The following EP400 variants were observed in gnomAD, a reference collection of about 807,000 sequenced individuals.
EP400 encodes the protein E1A binding protein p400, also known as E1A-binding protein p400.
EP400 carries 105 observed loss-of-function variants against 354.1 expected under a neutral mutation model. The observed-to-expected ratio is 0.30, with a 90% confidence interval of 0.25 to 0.35. The LOEUF is 0.35. Among genes scored for constraint, EP400 ranks in the 10% least tolerant of loss-of-function variants. The pLI, the probability that EP400 is intolerant of heterozygous loss-of-function variation, is 1.00. For synonymous variants in EP400, 1,646 were observed against 1,716.9 expected (o/e 0.96, Z 1.02); for missense variants, 3,280 against 4,121.0 (o/e 0.80, Z 5.59).
At position 132,050,079 on chromosome 12, in the gene EP400, G is replaced by A. The variant is rs939375779; in HGVS notation, c.7201-244G>A. On this transcript the variant is annotated intron_variant, in intron 39 of 52. Coordinates refer to ENST00000389561, the MANE Select transcript of EP400 (RefSeq NM_015409.5). This position sits in a 1 kb window ranked among gnomAD's most constrained non-coding sequence, Gnocchi z 4.8. ...CTCTTGGGGTGATTATGGGGCTTACGTGAGAGAACACCTGGAAAGGATTAG... is the reference window on the plus strand; with the variant it reads ...CTCTTGGGGTGATTATGGGGCTTACATGAGAGAACACCTGGAAAGGATTAG... Among the ~76,000 whole-genome samples the A allele has an allele frequency of 2.6e-5, 4 of 152,186 alleles. No individual in the cohort carries two copies. Among genetic ancestry groups the A allele is most frequent in the Non-Finnish European group, 2.9e-5 (2 of 68,036 alleles).
At position 132,005,129 on chromosome 12, in the gene EP400, G is replaced by A. The variant is rs147092035; in HGVS notation, c.2880G>A (p.Pro960=). 34 of 1,590,404 alleles carry A rather than the reference G, an allele frequency of 2.1e-5. No homozygotes were observed. The African/African-American group carries it at 3.9e-4, about 18-fold the overall frequency. The part of the protein sequence containing the change: ...LMKLYEGAFL[P]SSQWPRPKPD... The stretch of plus-strand genomic sequence containing the variant: ...AGCTGTACGAAGGCGCCTTCCTGCC[G>A]AGTTCTCAGTGGCCCCGGCCGAAGC... Residue 960 remains proline (P), a synonymous_variant, in exon 13 of 53, where the codon CCG becomes CCA. Coordinates refer to ENST00000389561, the MANE Select transcript of EP400 (RefSeq NM_015409.5).
At chr12:132,042,640 C>T (rs1894952945) in intron 32 of EP400, among the ~76,000 whole-genome samples, 2 of 152,178 alleles carry the variant, frequency 1.3e-5, no homozygotes, top group African/African-American at 4.8e-5. Context: ...CAGATTGTAC[C>T]AGTTTTTAAT....
At chr12:131,968,488 T>C (rs1481282652) in intron 2 of EP400, among the ~76,000 whole-genome samples, 1 of 152,264 alleles carries the variant, frequency 6.6e-6, no homozygotes, top group Admixed American at 6.5e-5. Context: ...TATGTAAGTT[T>C]TGAAGTCAAG....
intron 1 of EP400, among the ~76,000 whole-genome samples, chr12:131,953,131 G>A (rs1378985714): frequency 1.3e-5 from 2 of 152,192 alleles, no homozygotes; most frequent in African/African-American, 4.8e-5. Flanking sequence ...GTGGCCTCCC[G>A]AAGATCCCAG....
In EP400 at chr12:131,990,794, C is replaced by A; in HGVS notation, c.2629+80C>A. 1 of 1,040,072 alleles carries A rather than the reference C, an allele frequency of 9.6e-7. No homozygotes were observed. Among genetic ancestry groups the A allele is most frequent in the Non-Finnish European group, 1.5e-6 (1 of 687,764 alleles). The allele number at this position is 1,040,072 out of a possible 1,614,324, so 64.4% of individuals were successfully genotyped here. On this transcript the variant is annotated intron_variant, in intron 9 of 52. Coordinates refer to ENST00000389561, the MANE Select transcript of EP400 (RefSeq NM_015409.5). This position sits in a 1 kb window ranked among gnomAD's most constrained non-coding sequence, Gnocchi z 4.2. ...CTTTTCTCAGCAGGCAGTCTCCTGG[C>A]GCTGTGGCTTCCCACAGAGGACATC...
chr12:132,029,606 G>A lies in EP400; in HGVS notation c.5382-95G>A. 7.3e-7 allele frequency: 1 copy of A among 1,367,368 alleles called. No individual in the cohort carries two copies. Among genetic ancestry groups the A allele is most frequent in the Non-Finnish European group, 1.0e-6 (1 of 981,334 alleles). 84.7% of individuals were successfully genotyped at this position (1,367,368 alleles called of 1,614,324 possible). A position where few individuals can be genotyped will look rare whatever the true frequency, so the allele number is the denominator to read the frequency against. On this transcript the variant is annotated intron_variant, in intron 27 of 52. Coordinates refer to ENST00000389561, the MANE Select transcript of EP400 (RefSeq NM_015409.5). This position sits in a 1 kb window ranked among gnomAD's most constrained non-coding sequence, Gnocchi z 4.7. ...GAGCCCTGCTGTTTCCTGGGACTTG[G>A]ACTGTCAGAAGTCTGCCCCATCTTT...
Position 132,067,178 on chromosome 12 carries a change from CTTAAT to C in EP400, c.8750-179_8750-175del, listed in dbSNP as rs1276714113. On this transcript the variant is annotated intron_variant, in intron 49 of 52. Transcript: ENST00000389561. This position sits in a 1 kb window ranked among gnomAD's most constrained non-coding sequence, Gnocchi z 5.3. ...ACTGTTAACATTCTGAAATTTCCGTCTTAATTTAAGTGTAATTTGTGAACCCAGAA... is the reference window on the plus strand; with the variant it reads ...ACTGTTAACATTCTGAAATTTCCGTCTTAAGTGTAATTTGTGAACCCAGAA... 2.8e-4 allele frequency: 327 copies of C among 1,182,434 alleles called. No homozygotes were observed. Among genetic ancestry groups the C allele is most frequent in the Non-Finnish European group, 6.6e-5 (56 of 850,804 alleles). The allele number at this position is 1,182,434 out of a possible 1,614,324, so 73.2% of individuals were successfully genotyped here.
Position 131,961,657 on chromosome 12 carries a change from G to T in EP400, c.1038G>T (p.Lys346Asn). The change falls in exon 2 of 53, where the codon AAG becomes AAT. Residue 346 changes from lysine to asparagine, a missense_variant. By Grantham distance (94) the Lys-to-Asn change is moderately conservative. Transcript: ENST00000389561. The stretch of plus-strand genomic sequence containing the variant: ...CTGTGGGGAACACGGGAATGAAGAA[G>T]GTTCCCAAGAAGTTAGAGGAGATTC... ...LTSVGNTGMK[K>N]VPKKLEEIPP... 1.2e-6 allele frequency: 2 copies of T among 1,608,714 alleles called. No homozygotes were observed. The highest frequency in any genetic ancestry group is 1.7e-6 in the Non-Finnish European group (2 of 1,177,096).
chr12:132,010,287 A>G (rs905822846), intron 15 of EP400, among the ~76,000 whole-genome samples: 5 of 152,078 alleles, frequency 3.3e-5, no homozygotes, highest in Admixed American at 2.6e-4. Flanking sequence ...GGGTTTCACC[A>G]TATTGGTCAG....
chr12:132,077,351 C>T (rs757637416), intron 52 of EP400, 50 bp from the exon 53 acceptor site: 1 of 1,578,594 alleles, frequency 6.3e-7, no homozygotes, highest in Non-Finnish European at 8.6e-7. Context: ...TTTCCTGTCC[C>T]TGGACTGAGT....
In EP400 at chr12:132,053,541, C is replaced by T; in HGVS notation, c.7672C>T (p.Gln2558Ter). Residue 2558 changes from glutamine (Q) to a stop codon, truncating the protein, a stop_gained, in exon 43 of 53, where the codon CAG becomes TAG. Transcript: ENST00000389561. LOFTEE classifies it high-confidence loss of function. ...GCCCCAGACCCAGCCACAGCCTGTG[C>T]AGGCCCCAGCGAAGGCGCAGCCCGC... ...PQPQTQPQPV[Q>*]APAKAQPAIT... is the part of the protein sequence containing the mutation. 1 of 1,554,766 alleles carries T rather than the reference C, an allele frequency of 6.4e-7. No homozygotes were observed.
chr12:132,022,155 G>C (rs1259018635), intron 23 of EP400, among the ~76,000 whole-genome samples: 1 of 152,202 alleles, frequency 6.6e-6, no homozygotes, highest in Non-Finnish European at 1.5e-5. Context: ...TCCTAGTTAA[G>C]TGCCCTAAGG....
rs766780048 is a variant in EP400, at chr12:132,044,777, T to G, written c.6631-23T>G. 6 of 1,614,130 alleles carry G rather than the reference T, an allele frequency of 3.7e-6. No individual in the cohort carries two copies. In the South Asian group the frequency reaches 6.6e-5, roughly 18 times the overall value. ...AGCTTCCTGTGAGTTCCACATCTCA[T>G]GGGCCTTCCCTTCTCCATGCAGCTC... is the stretch of plus-strand genomic sequence containing the variant. On this transcript the variant is annotated intron_variant, in intron 36 of 52. Coordinates refer to ENST00000389561, the MANE Select transcript of EP400 (RefSeq NM_015409.5).
chr12:132,048,043 C>G (rs1325716806), intron 39 of EP400, among the ~76,000 whole-genome samples: 1 of 152,246 alleles, frequency 6.6e-6, no homozygotes, highest in East Asian at 1.9e-4. Flanking sequence ...TTAAGGTTAT[C>G]TCTCTTGTTC....
intron 39 of EP400, among the ~76,000 whole-genome samples, chr12:132,048,588 T>C (rs1381235556): frequency 6.6e-6 from 1 of 151,012 alleles, no homozygotes; most frequent in African/African-American, 2.4e-5. Flanking sequence ...AGTGGCACGA[T>C]CTCGGCTCAC....
At chr12:131,991,792 G>C (rs1893044349) in intron 10 of EP400, among the ~76,000 whole-genome samples, 1 of 151,138 alleles carries the variant, frequency 6.6e-6, no homozygotes, top group African/African-American at 2.4e-5. Context: ...TCACCGTGTT[G>C]CCCAGGCTGG....
At chr12:131,979,545 A>T (rs1214590224) in intron 2 of EP400, 149 bp from the exon 3 acceptor site, 1 of 560,584 alleles carries the variant, frequency 1.8e-6, no homozygotes, top group Non-Finnish European at 3.1e-6. Flanking sequence ...AATATACATT[A>T]CACATGTATA....
intron 30 of EP400, among the ~76,000 whole-genome samples, chr12:132,036,348 A>C (rs1332066993): frequency 4.4e-5 from 6 of 135,362 alleles, no homozygotes; most frequent in African/African-American, 1.1e-4. Flanking sequence ...AAGGGCACAC[A>C]CAGGTTCACA....
chr12:131,991,311 CGTGG>C lies in EP400; in HGVS notation c.2630-91_2630-88del, dbSNP rs1390196340. On this transcript the variant is annotated intron_variant, in intron 9 of 52. Transcript: ENST00000389561. The stretch of plus-strand genomic sequence containing the variant: ...CTCACGCGTCCTTCCTTTCCCTGCA[CGTGG>C]GTGGAGGCAGCAGGACCCTGCCTGG... The C allele has an allele frequency of 2.5e-6, 3 of 1,204,396 alleles. No homozygotes were observed. The African/African-American group carries it at 4.5e-5, about 18-fold the overall frequency. 74.6% of individuals were successfully genotyped at this position (1,204,396 alleles called of 1,614,324 possible).
Sources: gnomAD v4.1 joint callset for allele counts (sites outside exome capture counted in the v4.1 genomes callset) on GRCh38, gnomAD v4.1.1 for gene constraint, Gnocchi (gnomAD v3.1) non-coding constraint, MANE v1.5 for transcripts, NCBI Gene and HGNC (gene_info 2026-07-23, HGNC 2026-07-21) for gene names.